ADAMTSL3: variants seen among roughly 807,000 people sequenced by gnomAD.
The protein encoded by ADAMTSL3 is ADAMTS like 3.
A neutral mutation model predicts 201.7 loss-of-function variants in ADAMTSL3; 128 were observed. The observed-to-expected ratio is 0.63, with a 90% CI of 0.55 to 0.73. The LOEUF (loss-of-function observed/expected upper bound fraction) is 0.73, where lower values mean the gene tolerates loss of function less well. Ranked by LOEUF, ADAMTSL3 falls within the 30% of genes least tolerant of loss-of-function variation. The probability of loss-of-function intolerance (pLI) is 0.00; values close to 1 mark genes in which losing one functional copy is unlikely to be tolerated. For missense variants in ADAMTSL3, 1,990 were observed against 2,119.6 expected (o/e 0.94, Z 1.20); for synonymous variants, 738 against 748.4 (o/e 0.99, Z 0.23).
chr15:83,986,158 C>T (rs2067471100), intron 21 of ADAMTSL3, among the ~76,000 whole-genome samples: 1 of 152,134 alleles, frequency 6.6e-6, no homozygotes, highest in East Asian at 1.9e-4. Context: ...GCTTTGACTT[C>T]ATAGACTTCT....
intron 19 of ADAMTSL3, among the ~76,000 whole-genome samples, chr15:83,953,499 T>G (rs907968180): frequency 6.6e-6 from 1 of 152,232 alleles, no homozygotes; most frequent in African/African-American, 2.4e-5. Context: ...TATCCTGGCT[T>G]GAAAGTTGTT....
chr15:83,894,420 A>G (rs2065572555), intron 13 of ADAMTSL3, among the ~76,000 whole-genome samples: 2 of 152,246 alleles, frequency 1.3e-5, no homozygotes, highest in Non-Finnish European at 2.9e-5. Flanking sequence ...TACAAAGAAT[A>G]TCATTTCAAC....
At chr15:83,923,519 T>G (rs2066186318) in intron 16 of ADAMTSL3, among the ~76,000 whole-genome samples, 1 of 152,184 alleles carries the variant, frequency 6.6e-6, no homozygotes, top group Admixed American at 6.5e-5. Context: ...AAATTCCTCT[T>G]AAGGAAACTA....
In ADAMTSL3 at chr15:83,671,765, C is replaced by CT. The variant is rs1468230174; in HGVS notation, c.69+15939dup. On this transcript the variant is annotated intron_variant, in intron 2 of 29. Coordinates refer to ENST00000286744, the MANE Select transcript of ADAMTSL3 (RefSeq NM_207517.3). ...AGCTCTAGTGGGGAGCAATCTAACTCTTTTGTTTTCTTGTCTCCTATTGAT... is the reference window on the plus strand; with the variant it reads ...AGCTCTAGTGGGGAGCAATCTAACTCTTTTTGTTTTCTTGTCTCCTATTGAT... 3.9e-5 allele frequency among the ~76,000 whole-genome samples: 6 copies of CT among 152,326 alleles called. No individual in the cohort carries two copies. The Middle Eastern group carries it at 0.014, about 345-fold the overall frequency.
chr15:83,735,609 A>C (rs1197659657), intron 3 of ADAMTSL3, among the ~76,000 whole-genome samples: 1 of 152,034 alleles, frequency 6.6e-6, no homozygotes, highest in Non-Finnish European at 1.5e-5. Context: ...GTGATTTTTA[A>C]TACACTAAAG....
chr15:83,790,956 G>A (rs2063334034), intron 4 of ADAMTSL3, among the ~76,000 whole-genome samples: 2 of 152,100 alleles, frequency 1.3e-5, no homozygotes, highest in Admixed American at 1.3e-4. Context: ...ACATGTATAG[G>A]ACTTGTACGC....
chr15:83,784,164 C>G (rs2063222277), intron 4 of ADAMTSL3, among the ~76,000 whole-genome samples: 1 of 152,172 alleles, frequency 6.6e-6, no homozygotes, highest in Non-Finnish European at 1.5e-5. Flanking sequence ...TATTTCATCT[C>G]TCCAGAATAC....
Position 83,849,584 on chromosome 15 carries a change from C to T in ADAMTSL3, c.728-9182C>T, listed in dbSNP as rs141554951. ...TGAGCTTGTGCTGAACCACAAGCAG[C>T]AGTCTGCTCTTTCTTACTGTACTTA... On this transcript the variant is annotated intron_variant, in intron 7 of 29. Transcript: ENST00000286744. Among the ~76,000 whole-genome samples, 73 of 152,294 alleles carry T rather than the reference C, an allele frequency of 4.8e-4. 1 individual carries two copies. In the East Asian group the frequency reaches 0.013, roughly 27 times the overall value.
At chr15:84,036,664 C>T (rs1192921168) in intron 28 of ADAMTSL3, 109 bp from the exon 29 acceptor site, 2 of 781,660 alleles carry the variant, frequency 2.6e-6, no homozygotes, top group Non-Finnish European at 4.0e-6. Context: ...CTCCATCCAA[C>T]CTTTAATACG....
chr15:83,846,936 G>A (rs1479424107), intron 7 of ADAMTSL3, among the ~76,000 whole-genome samples: 1 of 152,228 alleles, frequency 6.6e-6, no homozygotes, highest in African/African-American at 2.4e-5. Context: ...CCTGCATGCT[G>A]TTCCAAAGCT....
At chr15:83,911,309 T>C (rs1038182593) in intron 15 of ADAMTSL3, among the ~76,000 whole-genome samples, 2 of 152,198 alleles carry the variant, frequency 1.3e-5, no homozygotes, top group African/African-American at 4.8e-5. Flanking sequence ...TATATAGGTA[T>C]ATATAGATAG....
intron 23 of ADAMTSL3, among the ~76,000 whole-genome samples, chr15:84,002,745 G>A (rs1233980360): frequency 2.0e-5 from 3 of 151,592 alleles, no homozygotes; most frequent in Admixed American, 6.6e-5. Context: ...TTTATGAATC[G>A]GACTTTCTTA....
intron 3 of ADAMTSL3, among the ~76,000 whole-genome samples, chr15:83,754,347 T>C (rs1003761891): frequency 2.6e-5 from 4 of 152,118 alleles, no homozygotes; most frequent in Non-Finnish European, 5.9e-5. Context: ...TTTCCATAAA[T>C]ATTGCTCGCA....
chr15:83,752,182 A>G (rs2062646833), intron 3 of ADAMTSL3, among the ~76,000 whole-genome samples: 1 of 152,212 alleles, frequency 6.6e-6, no homozygotes, highest in African/African-American at 2.4e-5. Flanking sequence ...TGCTAAAAAG[A>G]GAAGATGCTC....
intron 4 of ADAMTSL3, among the ~76,000 whole-genome samples, chr15:83,797,705 G>T (rs1209746106): frequency 6.6e-6 from 1 of 152,160 alleles, no homozygotes; most frequent in Non-Finnish European, 1.5e-5. Context: ...ATAAAAATAA[G>T]AACCTTCCTG....
intron 4 of ADAMTSL3, among the ~76,000 whole-genome samples, chr15:83,782,786 C>A (rs1255359166): frequency 6.6e-6 from 1 of 151,890 alleles, no homozygotes; most frequent in Non-Finnish European, 1.5e-5. Flanking sequence ...AGACTTAATA[C>A]TTGGGTGACA....
At chr15:83,758,448 A>T (rs2062754886) in intron 3 of ADAMTSL3, among the ~76,000 whole-genome samples, 1 of 152,212 alleles carries the variant, frequency 6.6e-6, no homozygotes. Context: ...ACCTTCCACC[A>T]GTTCCCTCCC....
intron 10 of ADAMTSL3, 111 bp from the exon 11 acceptor site, chr15:83,889,998 C>G: frequency 8.3e-7 from 1 of 1,198,818 alleles, no homozygotes; most frequent in Admixed American, 2.2e-5. Flanking sequence ...TTGAGAACCA[C>G]TGAGTTAAGT....
chr15:83,943,159 A>T (rs2066595823), intron 19 of ADAMTSL3, 77 bp downstream of exon 19: 1 of 1,476,652 alleles, frequency 6.8e-7, no homozygotes, highest in African/African-American at 1.4e-5. Flanking sequence ...TTTCCACAAG[A>T]TCAGGCTGGA....
Sources: allele counts gnomAD v4.1 joint callset (sites outside exome capture counted in the v4.1 genomes callset), GRCh38; gene constraint gnomAD v4.1.1; transcripts MANE v1.5; gene names NCBI Gene and HGNC (gene_info 2026-07-23, HGNC 2026-07-21).